The following WDR89 variants were observed in gnomAD, a reference collection of about 807,000 sequenced individuals.
WDR89 encodes the protein WD repeat-containing protein 89.
A neutral mutation model predicts 29.1 loss-of-function variants in WDR89; 17 were observed. The ratio of observed to expected loss-of-function variants is 0.58; its 90% CI spans 0.40 to 0.88. The LOEUF is 0.88. Among genes scored for constraint, WDR89 ranks in the 40% least tolerant of loss-of-function variants. WDR89 has a pLI of 0.00. For missense variants in WDR89, 396 were observed against 456.3 expected, an observed-to-expected ratio of 0.87 and a Z score of 1.20; for synonymous variants, 138 against 157.8, an observed-to-expected ratio of 0.87 and a Z score of 0.94.
At chr14:63,608,287 G>A (rs1274650852) in intron 2 of WDR89, among the ~76,000 whole-genome samples, 1 of 152,126 alleles carries the variant, frequency 6.6e-6, no homozygotes, top group Admixed American at 6.6e-5. Context: ...ACTTACACCT[G>A]TAATCCCAGT....
rs1276152718 is a variant in WDR89 at position 63,599,387 on chromosome 14, C to G, written c.556G>C (p.Val186Leu). ...AGGCCATCAGATGAACCTGAGACTA[C>G]CATGTTGGGATTGCTGGGATGGAAA... The part of the protein sequence containing the change: ...VRFHPSNPNM[V>L]VSGSSDGLVN... The change falls in exon 3 of 3, where the codon GTA becomes CTA. Residue 186 changes from valine to leucine, a missense_variant. Transcript: ENST00000620954. The G allele has an allele frequency of 1.2e-6, 2 of 1,614,148 alleles. No individual in the cohort carries two copies. The highest frequency in any genetic ancestry group is 1.7e-6 in the Non-Finnish European group (2 of 1,180,034).
chr14:63,626,513 C>T (rs1473404351), intron 1 of WDR89, among the ~76,000 whole-genome samples: 5 of 150,538 alleles, frequency 3.3e-5, no homozygotes, highest in African/African-American at 4.9e-5. Flanking sequence ...CCCATCTCTA[C>T]TAAAAATACA....
At chr14:63,635,356 A>C (rs573385278) in intron 1 of WDR89, among the ~76,000 whole-genome samples, 1 of 152,244 alleles carries the variant, frequency 6.6e-6, no homozygotes, top group Non-Finnish European at 1.5e-5. Context: ...TGTACCACAT[A>C]AACAGAATTA....
intron 1 of WDR89, among the ~76,000 whole-genome samples, chr14:63,635,733 G>A (rs1230982387): frequency 6.6e-6 from 1 of 152,126 alleles, no homozygotes; most frequent in Non-Finnish European, 1.5e-5. Context: ...AAAACTGTAA[G>A]GACTCCTCCA....
chr14:63,631,972 C>T (rs774654520), intron 1 of WDR89, among the ~76,000 whole-genome samples: 2 of 151,456 alleles, frequency 1.3e-5, no homozygotes, highest in Non-Finnish European at 2.9e-5. Flanking sequence ...ATTAGCCGGG[C>T]GTGATGGGAC....
intron 2 of WDR89, chr14:63,601,575 G>T: frequency 6.2e-7 from 1 of 1,607,384 alleles, no homozygotes; most frequent in Admixed American, 1.7e-5. Flanking sequence ...GAGTGCTGTT[G>T]AAACTGTAAC....
intron 2 of WDR89, among the ~76,000 whole-genome samples, chr14:63,608,432 G>A (rs61984035): frequency 2.1e-3 from 315 of 152,106 alleles, no homozygotes; most frequent in Non-Finnish European, 2.8e-3. Flanking sequence ...GTAAGTTTCT[G>A]TATGTTTTAA....
intron 1 of WDR89, among the ~76,000 whole-genome samples, chr14:63,636,339 C>T (rs1435974921): frequency 6.6e-6 from 1 of 152,164 alleles, no homozygotes. Flanking sequence ...GACCATGCTG[C>T]CAAAAGCAAT....
intron 2 of WDR89, among the ~76,000 whole-genome samples, chr14:63,608,697 C>CACACACAA (rs1461572018): frequency 2.7e-3 from 407 of 151,804 alleles, no homozygotes; most frequent in African/African-American, 9.6e-3. Context: ...CACACACACA[C>CACACACAA]AAATAGGTTT....
chr14:63,612,132 C>A (rs1882028322), intron 2 of WDR89, among the ~76,000 whole-genome samples: 1 of 152,062 alleles, frequency 6.6e-6, no homozygotes, highest in African/African-American at 2.4e-5. Context: ...GCCCTTCGGT[C>A]AAACTCATCT....
Position 63,621,102 on chromosome 14 carries a change from T to A in WDR89, c.-32+3826A>T, listed in dbSNP as rs550899230. Among the ~76,000 whole-genome samples, 44 of 152,188 alleles carry A rather than the reference T, an allele frequency of 2.9e-4. No homozygotes were observed. In the South Asian group the frequency reaches 7.3e-3, roughly 25 times the overall value. The stretch of plus-strand genomic sequence containing the variant: ...TTGTTAATTAAAAAATACATTTTTT[T>A]AAAAAGAATGTGAAGAAACTGGAAC... On this transcript the variant is annotated intron_variant, in intron 2 of 2. Transcript: ENST00000620954.
intron 1 of WDR89, among the ~76,000 whole-genome samples, chr14:63,627,195 T>G (rs1883131181): frequency 1.3e-5 from 2 of 150,702 alleles, no homozygotes; most frequent in Non-Finnish European, 3.0e-5. Flanking sequence ...TCTCTAAATG[T>G]TAAACTTTTT....
intron 2 of WDR89, among the ~76,000 whole-genome samples, chr14:63,603,257 T>C (rs1895159944): frequency 6.6e-6 from 1 of 151,544 alleles, no homozygotes; most frequent in African/African-American, 2.4e-5. Flanking sequence ...ATTTGCTTTC[T>C]CTCTCTACAC....
At chr14:63,640,101 A>G (rs1017828027) in intron 1 of WDR89, among the ~76,000 whole-genome samples, 1 of 152,234 alleles carries the variant, frequency 6.6e-6, no homozygotes, top group Non-Finnish European at 1.5e-5. Context: ...CATTCACAGG[A>G]AAGTATTCCT....
rs1333646265 is a variant in WDR89, at chr14:63,598,501, TC to T, written c.*277del. On this transcript the variant is annotated 3_prime_UTR_variant, in exon 3 of 3. Coordinates refer to ENST00000620954, the MANE Select transcript of WDR89 (RefSeq NM_080666.4). ...AGTATTTCCTTCTAAAAAGTCCTTATCGGAGCTATTTCTTTAAAGCCAACAT... is the reference window on the plus strand; with the variant it reads ...AGTATTTCCTTCTAAAAAGTCCTTATGGAGCTATTTCTTTAAAGCCAACAT... 4.2e-6 allele frequency: 1 copy of T among 240,662 alleles called. No homozygotes were observed. Among genetic ancestry groups the T allele is most frequent in the African/African-American group, 2.2e-5 (1 of 44,724 alleles). The allele number at this position is 240,662 out of a possible 1,614,324, so 14.9% of individuals were successfully genotyped here.
Position 63,598,486 on chromosome 14 carries a change from T to C in WDR89, c.*293A>G, listed in dbSNP as rs1314941540. 3 of 214,572 alleles carry C rather than the reference T, an allele frequency of 1.4e-5. No individual in the cohort carries two copies. The highest frequency in any genetic ancestry group is 2.7e-5 in the Non-Finnish European group (3 of 110,256). 13.3% of individuals were successfully genotyped at this position (214,572 alleles called of 1,614,324 possible). Reference sequence around the variant, plus strand: ...TATTAAGTTTTACCAAGTATTTCCTTCTAAAAAGTCCTTATCGGAGCTATT... The same window carrying C: ...TATTAAGTTTTACCAAGTATTTCCTCCTAAAAAGTCCTTATCGGAGCTATT... On this transcript the variant is annotated 3_prime_UTR_variant, in exon 3 of 3. Coordinates refer to ENST00000620954, the MANE Select transcript of WDR89 (RefSeq NM_080666.4).
chr14:63,613,147 A>T (rs1181468440), intron 2 of WDR89, among the ~76,000 whole-genome samples: 1 of 152,210 alleles, frequency 6.6e-6, no homozygotes, highest in African/African-American at 2.4e-5. Context: ...TATAGCCATA[A>T]AATGAAAGGA....
intron 2 of WDR89, among the ~76,000 whole-genome samples, chr14:63,604,941 A>C (rs943502464): frequency 6.6e-6 from 1 of 152,060 alleles, no homozygotes; most frequent in African/African-American, 2.4e-5. Context: ...TTAGCCTAGG[A>C]GTTTGAAACC....
chr14:63,628,949 C>A (rs532966475), intron 1 of WDR89, among the ~76,000 whole-genome samples: 2,881 of 144,044 alleles, frequency 0.02, 82 homozygotes, highest in African/African-American at 0.075. Flanking sequence ...AAAAAAAAAA[C>A]AAAAAACAAA....
Sources: allele counts gnomAD v4.1 joint callset (sites outside exome capture counted in the v4.1 genomes callset), GRCh38; gene constraint gnomAD v4.1.1; transcripts MANE v1.5; gene names NCBI Gene and HGNC (gene_info 2026-07-23, HGNC 2026-07-21).